Variants in KNL1 observed in about 807,000 individuals in gnomAD.
KNL1 encodes kinetochore scaffold 1, also known as outer kinetochore KNL1 complex subunit KNL1.
In KNL1, 66 loss-of-function variants were observed where a neutral mutation model predicts 201.3. The observed-to-expected ratio is 0.33, with a 90% CI of 0.27 to 0.40. The LOEUF is 0.40. Among genes scored for constraint, KNL1 ranks in the 10% least tolerant of loss-of-function variants. The pLI is 1.00. For missense variants in KNL1, 2,815 were observed against 2,690.5 expected, an observed-to-expected ratio of 1.05 and a Z score of -1.02; for synonymous variants, 895 against 899.2, an observed-to-expected ratio of 1.00 and a Z score of 0.08.
At position 40,645,027 on chromosome 15, in the gene KNL1, G is replaced by A; in HGVS notation, c.5829G>A (p.Lys1943=). 1 of 1,611,884 alleles carries A rather than the reference G, an allele frequency of 6.2e-7. No homozygotes were observed. The change falls in exon 15 of 26, where the codon AAG becomes AAA. Residue 1943 remains lysine, a synonymous_variant. Coordinates refer to ENST00000399668, the MANE Select transcript of KNL1 (RefSeq NM_144508.5). ...AGCTTTCTGCATCGAACCAAGATAA[G>A]CTGTTGGTTGATATAAATAAGAACC... ...ELKLSASNQD[K]LLVDINKNLW... is the part of the protein sequence containing the mutation.
At chr15:40,608,528 C>T (rs1412300488) in intron 4 of KNL1, among the ~76,000 whole-genome samples, 1 of 151,366 alleles carries the variant, frequency 6.6e-6, no homozygotes, top group East Asian at 1.9e-4. Context: ...GGCCGATCAC[C>T]TGAGGTCGGG....
rs1046286421 is a variant in KNL1 at position 40,642,165 on chromosome 15, T to C, written c.5798+1138T>C. ...CTGTAATCCCAGCACTTTGGGAGGC[T>C]GAGGCAGGTGGATCACGAGGTCAGG... is the stretch of plus-strand genomic sequence containing the variant. On this transcript the variant is annotated intron_variant, in intron 14 of 25. Coordinates refer to ENST00000399668, the MANE Select transcript of KNL1 (RefSeq NM_144508.5). Among the ~76,000 whole-genome samples the C allele has an allele frequency of 2.0e-4, 31 of 152,146 alleles. 1 individual carries two copies. Among genetic ancestry groups the C allele is most frequent in the African/African-American group, 7.2e-4 (30 of 41,446 alleles).
chr15:40,611,229 C>T (rs1244563516), intron 6 of KNL1, among the ~76,000 whole-genome samples: 1 of 151,812 alleles, frequency 6.6e-6, no homozygotes, highest in Non-Finnish European at 1.5e-5. Context: ...CTACCTCAGC[C>T]TCCTGAGTAG....
chr15:40,626,282 AGCTAGGATTGCAGGT>A (rs1892750440), intron 10 of KNL1, among the ~76,000 whole-genome samples: 1 of 150,566 alleles, frequency 6.6e-6, no homozygotes, highest in African/African-American at 2.4e-5. Flanking sequence ...CCTTCCGAGT[AGCTAGGATTGCAGGT>A]GCCTGGCACC....
chr15:40,601,859 C>CTTTT lies in KNL1; in HGVS notation c.-17-1033_-17-1030dup, dbSNP rs36046773. On this transcript the variant is annotated intron_variant, in intron 1 of 25. Transcript: ENST00000399668. ...AAAAAAAAATTCCTTAAAAATGCAT[C>CTTTT]TTTTTTTTTTTTTTTTTTTTTTTTT... Among the ~76,000 whole-genome samples, 190 of 64,620 alleles carry CTTTT rather than the reference C, an allele frequency of 2.9e-3. 42 individuals are homozygous for CTTTT. Among genetic ancestry groups the CTTTT allele is most frequent in the African/African-American group, 0.01 (163 of 16,024 alleles). The allele number at this position is 64,620 out of a possible 152,430, so 42.4% of individuals were successfully genotyped here.
chr15:40,629,730 T>C (rs1431481547), intron 13 of KNL1, among the ~76,000 whole-genome samples: 2 of 151,970 alleles, frequency 1.3e-5, no homozygotes, highest in African/African-American at 4.8e-5. Context: ...CTTGAACTCC[T>C]GACCTCGTGA....
chr15:40,654,726 A>C (rs1251031121), intron 21 of KNL1, among the ~76,000 whole-genome samples, 183 bp from the exon 22 acceptor site: 1 of 151,916 alleles, frequency 6.6e-6, no homozygotes, highest in Non-Finnish European at 1.5e-5. Context: ...AAAATTAGCC[A>C]GGTGTGGTGG....
intron 1 of KNL1, among the ~76,000 whole-genome samples, chr15:40,602,192 AATTTTTTTTTTTTTCT>A (rs1891823229): frequency 6.7e-6 from 1 of 149,888 alleles, no homozygotes; most frequent in Admixed American, 6.6e-5. Context: ...GCGCCCAGCT[AATTTTTTTTTTTTTCT>A]ATTTTTAGTA....
At chr15:40,643,883 G>A (rs1595940673) in intron 14 of KNL1, among the ~76,000 whole-genome samples, 1 of 152,146 alleles carries the variant, frequency 6.6e-6, no homozygotes, top group Non-Finnish European at 1.5e-5. Context: ...AAAAAACTAG[G>A]AAGAGTTAAA....
intron 10 of KNL1, chr15:40,626,113 G>C (rs1892744972): frequency 6.6e-6 from 1 of 152,162 alleles, no homozygotes; most frequent in Non-Finnish European, 1.5e-5. Flanking sequence ...AGGATATGTA[G>C]AAGTTGAGAG....
chr15:40,654,694 C>T (rs1401565905), intron 21 of KNL1, among the ~76,000 whole-genome samples: 1 of 151,700 alleles, frequency 6.6e-6, no homozygotes. Flanking sequence ...ATGGTGAAAC[C>T]CCGTGTCTAC....
intron 10 of KNL1, among the ~76,000 whole-genome samples, chr15:40,626,980 C>T (rs951624126): frequency 3.3e-5 from 5 of 152,196 alleles, no homozygotes; most frequent in Admixed American, 6.5e-5. Flanking sequence ...CTGCAACCTC[C>T]GCCTCCCAGG....
chr15:40,655,178 G>T (rs1365707087), intron 22 of KNL1, among the ~76,000 whole-genome samples: 1 of 151,980 alleles, frequency 6.6e-6, no homozygotes, highest in Non-Finnish European at 1.5e-5. Context: ...CCCTCCTGTA[G>T]CCCTAGCTAC....
intron 8 of KNL1, among the ~76,000 whole-genome samples, chr15:40,616,640 C>G (rs529839573): frequency 2.0e-5 from 3 of 152,178 alleles, no homozygotes; most frequent in Non-Finnish European, 2.9e-5. Context: ...TGCTTTAATT[C>G]AAGTTGTTAT....
chr15:40,606,590 G>A lies in KNL1; in HGVS notation c.135+138G>A, dbSNP rs74363042. On this transcript the variant is annotated intron_variant, in intron 4 of 25. Transcript: ENST00000399668. ...AACACTTGAATATACTGGCATTCTT[G>A]ATTTTTCATTTTTCTTCTTTTTTCT... 0.05 allele frequency: 26,609 copies of A among 531,594 alleles called. 842 individuals are homozygous for A. The highest frequency in any genetic ancestry group is 0.095 in the East Asian group (3,309 of 35,006). 32.9% of individuals were successfully genotyped at this position (531,594 alleles called of 1,614,324 possible). A position where few individuals can be genotyped will look rare whatever the true frequency, so the allele number is the denominator to read the frequency against.
chr15:40,641,299 T>C (rs1893221561), intron 14 of KNL1, among the ~76,000 whole-genome samples: 1 of 152,198 alleles, frequency 6.6e-6, no homozygotes, highest in Non-Finnish European at 1.5e-5. Context: ...AGCCAATAGA[T>C]ATGAACAATA....
chr15:40,626,313 C>G (rs531109119), intron 10 of KNL1, among the ~76,000 whole-genome samples: 1 of 150,778 alleles, frequency 6.6e-6, no homozygotes, highest in Non-Finnish European at 1.5e-5. Flanking sequence ...GCACCACACC[C>G]GGCTAATTTC....
At chr15:40,598,739 T>C (rs1458009725) in intron 1 of KNL1, among the ~76,000 whole-genome samples, 1 of 152,232 alleles carries the variant, frequency 6.6e-6, no homozygotes, top group Non-Finnish European at 1.5e-5. Context: ...ATCTTTCCTA[T>C]TAGTTTTTTG....
intron 3 of KNL1, 38 bp downstream of exon 3, chr15:40,605,187 T>A (rs780959288): frequency 3.5e-6 from 4 of 1,153,004 alleles, no homozygotes; most frequent in Non-Finnish European, 3.9e-6. Flanking sequence ...TTGTCAGCTT[T>A]TATTTAATGA....
Sources: gnomAD v4.1 joint callset for allele counts (sites outside exome capture counted in the v4.1 genomes callset) on GRCh38, gnomAD v4.1.1 for gene constraint, MANE v1.5 for transcripts, NCBI Gene and HGNC (gene_info 2026-07-23, HGNC 2026-07-21) for gene names.